The following ZNF718 variants were observed in gnomAD, a reference collection of about 807,000 sequenced individuals.
The protein encoded by ZNF718 is zinc finger protein 718.
In ZNF718, 3 loss-of-function variants were observed where a neutral mutation model predicts 2.6. The observed-to-expected ratio is 1.16, with a 90% CI of 0.53 to 3.01. The LOEUF is 3.01. Among genes scored for constraint, ZNF718 ranks in the 30% most tolerant of loss-of-function variants. The pLI is 0.03. For synonymous variants in ZNF718, 135 were observed against 77.9 expected (o/e 1.73, Z -3.86); for missense variants, 468 against 230.0 (o/e 2.03, Z -6.69).
intron 3 of ZNF718, among the ~76,000 whole-genome samples, chr4:133,561 C>T (rs1031859270): frequency 1.3e-5 from 2 of 152,118 alleles, no homozygotes; most frequent in South Asian, 2.1e-4. Flanking sequence ...ATACACATAC[C>T]TATATAAGTT....
chr4:197,341 G>A (rs1318638122), intron 3 of ZNF718, among the ~76,000 whole-genome samples: 2 of 151,980 alleles, frequency 1.3e-5, no homozygotes, highest in Non-Finnish European at 2.9e-5. Flanking sequence ...AAAAAAGATG[G>A]GGCTAAGAAA....
At chr4:170,611 C>G (rs111309127) in intron 3 of ZNF718, among the ~76,000 whole-genome samples, 1,937 of 152,262 alleles carry the variant, frequency 0.013, 48 homozygotes, top group African/African-American at 0.044. Flanking sequence ...TCTTCCATCA[C>G]TGATACCCTT....
intron 3 of ZNF718, among the ~76,000 whole-genome samples, chr4:190,197 G>A (rs891612529): frequency 6.6e-6 from 1 of 152,096 alleles, no homozygotes; most frequent in East Asian, 1.9e-4. Flanking sequence ...TTGGGAGGCC[G>A]AGGCAGGCAG....
rs1716845302 is a variant in ZNF718 at position 161,444 on chromosome 4, A to G, written c.759A>G (p.Lys253=). Residue 253 remains lysine (K), a synonymous_variant, in exon 4 of 4, where the codon AAA becomes AAG. Transcript: ENST00000510175. ...ATAAGAGAATTCATACTGGAGAGAA[A>G]CCCTACATATGTGAAAAATGTGGTA... ...TKHKRIHTGE[K]PYICEKCGKA... 3 of 780,304 alleles carry G rather than the reference A, an allele frequency of 3.8e-6. No individual in the cohort carries two copies. Among genetic ancestry groups the G allele is most frequent in the Non-Finnish European group, 7.2e-6 (3 of 417,580 alleles). The allele number at this position is 780,304 out of a possible 1,614,324, so 48.3% of individuals were successfully genotyped here.
intron 3 of ZNF718, among the ~76,000 whole-genome samples, chr4:139,563 G>A (rs1715720230): frequency 6.6e-6 from 1 of 152,210 alleles, no homozygotes; most frequent in Admixed American, 6.5e-5. Context: ...GGGCCTTTGA[G>A]CCCCTACGCT....
Position 159,415 on chromosome 4 carries a change from A to G in ZNF718, c.227-1497A>G, listed in dbSNP as rs543731861. Among the ~76,000 whole-genome samples, 18 of 151,786 alleles carry G rather than the reference A, an allele frequency of 1.2e-4. No homozygotes were observed. In the South Asian group the frequency reaches 3.7e-3, roughly 32 times the overall value. On this transcript the variant is annotated intron_variant, in intron 3 of 3. Transcript: ENST00000510175. ...TTTTTTTTTGACAGATTCACTGGTTATCTTATAAGACCACACTTATTTATA... is the reference window on the plus strand; with the variant it reads ...TTTTTTTTTGACAGATTCACTGGTTGTCTTATAAGACCACACTTATTTATA...
At chr4:142,254 C>G (rs1361998666) in intron 3 of ZNF718, among the ~76,000 whole-genome samples, 1 of 152,126 alleles carries the variant, frequency 6.6e-6, no homozygotes, top group African/African-American at 2.4e-5. Flanking sequence ...AAACTCTTAC[C>G]TTTGAATTTT....
chr4:192,876 AG>A (rs1717720022), intron 3 of ZNF718, among the ~76,000 whole-genome samples: 1 of 152,228 alleles, frequency 6.6e-6, no homozygotes, highest in Admixed American at 6.5e-5. Context: ...TTATTTCTTC[AG>A]CACACTTCAC....
At chr4:136,704 T>G (rs1053745753) in intron 3 of ZNF718, among the ~76,000 whole-genome samples, 1 of 152,256 alleles carries the variant, frequency 6.6e-6, no homozygotes, top group Admixed American at 6.5e-5. Context: ...ACTGTCACTT[T>G]ATTAGTATCT....
intron 3 of ZNF718, among the ~76,000 whole-genome samples, chr4:134,136 TTTTTG>T (rs572633882): frequency 2.6e-5 from 4 of 152,130 alleles, no homozygotes; most frequent in Middle Eastern, 3.4e-3. Context: ...TGTTAAAGTT[TTTTTG>T]TTTTGTTTTG....
At chr4:172,067 C>G (rs1285351226) in intron 3 of ZNF718, among the ~76,000 whole-genome samples, 1 of 152,164 alleles carries the variant, frequency 6.6e-6, no homozygotes, top group African/African-American at 2.4e-5. Flanking sequence ...AGTCTATATT[C>G]TATATTTATT....
intron 3 of ZNF718, among the ~76,000 whole-genome samples, chr4:192,337 T>C (rs1179669443): frequency 6.6e-6 from 1 of 152,238 alleles, no homozygotes; most frequent in Non-Finnish European, 1.5e-5. Context: ...TCCCTCCCCC[T>C]GTGCTCTCAG....
Position 162,079 on chromosome 4 carries a change from A to G in ZNF718, c.1394A>G (p.Asn465Ser), listed in dbSNP as rs782688478. 13 of 770,296 alleles carry G rather than the reference A, an allele frequency of 1.7e-5. No individual in the cohort carries two copies. The highest frequency in any genetic ancestry group is 6.8e-5 in the African/African-American group (4 of 58,558). The allele number at this position is 770,296 out of a possible 1,614,324, so 47.7% of individuals were successfully genotyped here. The change falls in exon 4 of 4, where the codon AAC becomes AGC. Residue 465 changes from asparagine to serine, a missense_variant. By Grantham distance (46) the Asn-to-Ser change is conservative (BLOSUM62 1). Transcript: ENST00000510175. ...GGGAAAGCTTTTAAGCAGTACTCCA[A>G]CCTTCCTCAACATAAGAGAACTCAT... ...ECGKAFKQYSNLPQHKRTHTG... is the reference protein window; with the variant it reads ...ECGKAFKQYSSLPQHKRTHTG...
chr4:165,843 A>T (rs188336035), downstream of ZNF718, among the ~76,000 whole-genome samples: 503 of 134,104 alleles, frequency 3.8e-3, 4 homozygotes, highest in African/African-American at 0.014. Flanking sequence ...GAGATATTTT[A>T]CGTTCTTTTT....
intron 3 of ZNF718, among the ~76,000 whole-genome samples, chr4:197,912 G>A (rs1553822266): frequency 6.6e-6 from 1 of 152,190 alleles, no homozygotes; most frequent in Non-Finnish European, 1.5e-5. Flanking sequence ...AGTATGGATG[G>A]AAACATGGAT....
rs145608551 is a variant in ZNF718 at position 184,585 on chromosome 4, C to T, written c.227-16496C>T. On this transcript the variant is annotated intron_variant and NMD_transcript_variant, in intron 3 of 4. Transcript: ENST00000642529. ...TTTTCTGGCATAGTTTCAGTAAGAACGCTACCAGCTCTTCTTTGTACCTCT... is the reference window on the plus strand; with the variant it reads ...TTTTCTGGCATAGTTTCAGTAAGAATGCTACCAGCTCTTCTTTGTACCTCT... Among the ~76,000 whole-genome samples the T allele has an allele frequency of 1.9e-4, 29 of 152,158 alleles. No individual in the cohort carries two copies. The East Asian group carries it at 2.7e-3, about 14-fold the overall frequency.
intron 3 of ZNF718, among the ~76,000 whole-genome samples, chr4:191,964 C>T (rs1450776179): frequency 6.6e-6 from 1 of 152,140 alleles, no homozygotes; most frequent in Admixed American, 6.5e-5. Flanking sequence ...CGGAAGAGAA[C>T]CGTGGAACCC....
At chr4:193,091 T>C (rs1438180069) in intron 3 of ZNF718, among the ~76,000 whole-genome samples, 2 of 152,170 alleles carry the variant, frequency 1.3e-5, no homozygotes, top group Non-Finnish European at 2.9e-5. Context: ...CCTTGTGAGG[T>C]TCCCCATTCT....
intron 3 of ZNF718, among the ~76,000 whole-genome samples, chr4:145,069 C>A (rs1366078966): frequency 3.9e-5 from 6 of 152,108 alleles, no homozygotes; most frequent in East Asian, 1.9e-4. Context: ...ATGATACTAA[C>A]CCTTTCATGA....
Sources: gnomAD v4.1 joint callset for allele counts (sites outside exome capture counted in the v4.1 genomes callset) on GRCh38, gnomAD v4.1.1 for gene constraint, MANE v1.5 for transcripts, NCBI Gene and HGNC (gene_info 2026-07-23, HGNC 2026-07-21) for gene names.